IKZF1: variants seen among roughly 807,000 people sequenced by gnomAD.
IKZF1 encodes the protein IKAROS family zinc finger 1.
IKZF1 carries 10 observed loss-of-function variants against 51.7 expected under a neutral mutation model. The ratio of observed to expected loss-of-function variants is 0.19; its 90% CI spans 0.12 to 0.33. IKZF1 has a LOEUF of 0.33. IKZF1 is among the 10% of genes least tolerant of loss of function. The pLI is 1.00. For missense variants in IKZF1, 484 were observed against 707.5 expected (o/e 0.68, Z 3.58); for synonymous variants, 280 against 282.3 (o/e 0.99, Z 0.08).
intron 3 of IKZF1, among the ~76,000 whole-genome samples, chr7:50,346,636 C>T (rs1800441928): frequency 6.6e-6 from 1 of 152,194 alleles, no homozygotes; most frequent in African/African-American, 2.4e-5. Flanking sequence ...AAAGGGCCTT[C>T]CTGGTCTTTC....
At chr7:50,375,731 C>CA (rs1810087226) in intron 3 of IKZF1, among the ~76,000 whole-genome samples, 1 of 122,904 alleles carries the variant, frequency 8.1e-6, no homozygotes, top group African/African-American at 3.2e-5. Context: ...CACCACCCAA[C>CA]AAACACACAA....
At chr7:50,388,750 G>T (rs1018144359) in intron 6 of IKZF1, among the ~76,000 whole-genome samples, 3 of 152,212 alleles carry the variant, frequency 2.0e-5, no homozygotes, top group Non-Finnish European at 4.4e-5. Flanking sequence ...AAGACTAATG[G>T]ACGAGAGGAT....
Position 50,376,836 on chromosome 7 carries a change from T to C in IKZF1, c.421+43T>C. 1 of 1,604,366 alleles carries C rather than the reference T, an allele frequency of 6.2e-7. No homozygotes were observed. The highest frequency in any genetic ancestry group is 8.5e-7 in the Non-Finnish European group (1 of 1,173,704). On this transcript the variant is annotated intron_variant, in intron 4 of 7. Transcript: ENST00000331340. This position sits in a 1 kb window ranked among gnomAD's most constrained non-coding sequence, Gnocchi z 4.5. ...TTTTCCTTTAGTGGCCTGGAGAAGG[T>C]GCATGGGGTTTGAAGGAGGAAAGCA... is the stretch of plus-strand genomic sequence containing the variant.
At chr7:50,345,436 A>G (rs2153422766) in intron 3 of IKZF1, among the ~76,000 whole-genome samples, 3 of 152,342 alleles carry the variant, frequency 2.0e-5, no homozygotes, top group South Asian at 2.1e-4. Flanking sequence ...AGAGACCTAA[A>G]GGGAAGCCTT....
In IKZF1 at chr7:50,391,824, G is replaced by A. The variant is rs1410124404; in HGVS notation, c.811G>A (p.Val271Ile). Residue 271 changes from valine (V) to isoleucine (I), a missense_variant, in exon 7 of 8, where the codon GTC (valine) becomes ATC (isoleucine). Physicochemically the swap from Val to Ile is conservative, Grantham distance 29. Around this residue, in one of 6 missense-constraint regions of IKZF1, gnomAD observed 172 missense variants for 192.7 expected, o/e 0.89. Transcript: ENST00000331340. ...SLVLDRLASN[V>I]AKRKSSMPQK... ...CGTGCTGGACAGACTAGCAAGTAAC[G>A]TCGCCAAACGTAAGAGCTCTATGCC... The A allele has an allele frequency of 3.1e-6, 5 of 1,613,924 alleles. No homozygotes were observed. In the South Asian group the frequency reaches 3.3e-5, roughly 11 times the overall value.
rs1020318126 is a variant in IKZF1 at position 50,400,830 on chromosome 7, G to A, written c.*203G>A. 6 of 669,354 alleles carry A rather than the reference G, an allele frequency of 9.0e-6. No individual in the cohort carries two copies. The highest frequency in any genetic ancestry group is 1.5e-5 in the Non-Finnish European group (6 of 406,374). 41.5% of individuals were successfully genotyped at this position (669,354 alleles called of 1,614,324 possible). A position where few individuals can be genotyped will look rare whatever the true frequency, so the allele number is the denominator to read the frequency against. The stretch of plus-strand genomic sequence containing the variant: ...GAAAAGATTTTTATTTTTAGAGGCA[G>A]GGCTGCATTGGGAGCATCCAGAACT... On this transcript the variant is annotated 3_prime_UTR_variant, in exon 8 of 8. Transcript: ENST00000331340. The surrounding 1 kb of genome is among the most constrained non-coding windows in gnomAD (Gnocchi z 5.4).
Position 50,363,454 on chromosome 7 carries a change from G to C in IKZF1, c.161-13079G>C, listed in dbSNP as rs147856841. Reference sequence around the variant, plus strand: ...TTGACATCATCAGGACTGACTGCAGGACAGGCGGTGAAACGAGCCACTGAG... The same window carrying C: ...TTGACATCATCAGGACTGACTGCAGCACAGGCGGTGAAACGAGCCACTGAG... On this transcript the variant is annotated intron_variant, in intron 3 of 7. Coordinates refer to ENST00000331340, the MANE Select transcript of IKZF1 (RefSeq NM_006060.6). 5.4e-3 allele frequency among the ~76,000 whole-genome samples: 819 copies of C among 152,204 alleles called. 11 individuals carry two copies. The highest frequency in any genetic ancestry group is 0.019 in the African/African-American group (786 of 41,504).
chr7:50,369,146 A>T (rs1204872033), intron 3 of IKZF1: 2 of 241,658 alleles, frequency 8.3e-6, no homozygotes, highest in Non-Finnish European at 8.0e-6. Context: ...ATGCTTATAT[A>T]TGTGTATTTG....
Position 50,376,800 on chromosome 7 carries a change from C to A in IKZF1, c.421+7C>A, listed in dbSNP as rs756418516. 1 of 1,612,580 alleles carries A rather than the reference C, an allele frequency of 6.2e-7. No individual in the cohort carries two copies. Among genetic ancestry groups the A allele is most frequent in the Non-Finnish European group, 8.5e-7 (1 of 1,178,768 alleles). On this transcript the variant is annotated splice_region_variant and intron_variant, in intron 4 of 7. Transcript: ENST00000331340. The surrounding 1 kb of genome is among the most constrained non-coding windows in gnomAD (Gnocchi z 4.5). Reference sequence around the variant, plus strand: ...CACAAAAGAAGCCACACTGGTAAGGCCTGGCTCAGTTTTTCCTTTAGTGGC... The same window carrying A: ...CACAAAAGAAGCCACACTGGTAAGGACTGGCTCAGTTTTTCCTTTAGTGGC...
At chr7:50,367,630 G>GT (rs1807337235) in intron 3 of IKZF1, 1 of 169,256 alleles carries the variant, frequency 5.9e-6, no homozygotes, top group Non-Finnish European at 1.3e-5. Context: ...ACGCACTTTT[G>GT]TGGAGATACG....
At chr7:50,355,861 G>A (rs982664634) in intron 3 of IKZF1, among the ~76,000 whole-genome samples, 5 of 152,238 alleles carry the variant, frequency 3.3e-5, no homozygotes, top group East Asian at 1.9e-4. Context: ...AGCAGAGCAG[G>A]CTGGAGGCCT....
chr7:50,350,868 C>T (rs544005927), intron 3 of IKZF1, among the ~76,000 whole-genome samples: 5 of 152,190 alleles, frequency 3.3e-5, no homozygotes, highest in Non-Finnish European at 7.3e-5. Flanking sequence ...CCCGGGTTGA[C>T]TCAGAGGCAG....
At chr7:50,354,546 C>T (rs1331745016) in intron 3 of IKZF1, among the ~76,000 whole-genome samples, 3 of 152,200 alleles carry the variant, frequency 2.0e-5, no homozygotes, top group Non-Finnish European at 4.4e-5. Context: ...GGCAGAAAGA[C>T]AGGGCAGCAG....
chr7:50,399,593 ATAACATAAT>A (rs1472917114), intron 7 of IKZF1, among the ~76,000 whole-genome samples: 1 of 152,250 alleles, frequency 6.6e-6, no homozygotes, highest in African/African-American at 2.4e-5. Flanking sequence ...ATGAAATACA[ATAACATAAT>A]TAAACTAATC....
chr7:50,392,767 GA>G (rs1584991353), intron 7 of IKZF1, among the ~76,000 whole-genome samples: 1 of 152,196 alleles, frequency 6.6e-6, no homozygotes, highest in East Asian at 1.9e-4. Flanking sequence ...TTTGGAAGAG[GA>G]ATAGAGTTTC....
chr7:50,325,620 A>G (rs1296720668), intron 2 of IKZF1, among the ~76,000 whole-genome samples: 1 of 152,102 alleles, frequency 6.6e-6, no homozygotes, highest in Non-Finnish European at 1.5e-5. Context: ...AAAAAAATAC[A>G]AAAATTTAGT....
At chr7:50,345,230 G>C (rs1800062192) in intron 3 of IKZF1, among the ~76,000 whole-genome samples, 1 of 152,008 alleles carries the variant, frequency 6.6e-6, no homozygotes, top group Non-Finnish European at 1.5e-5. Flanking sequence ...AAATATTCAT[G>C]GGTATATACT....
At chr7:50,388,091 C>A (rs1303271115) in intron 6 of IKZF1, among the ~76,000 whole-genome samples, 1 of 152,110 alleles carries the variant, frequency 6.6e-6, no homozygotes, top group African/African-American at 2.4e-5. Context: ...TTGATTCAGA[C>A]CCCAGAGCCT....
At chr7:50,379,688 G>A (rs1040592470) in intron 4 of IKZF1, among the ~76,000 whole-genome samples, 2 of 152,164 alleles carry the variant, frequency 1.3e-5, no homozygotes, top group African/African-American at 4.8e-5. Context: ...AGATAAAAAG[G>A]TGCAGTCCCT....
Sources: allele counts gnomAD v4.1 joint callset (sites outside exome capture counted in the v4.1 genomes callset), GRCh38; gene constraint gnomAD v4.1.1; regional missense constraint gnomAD v4.1.1; non-coding constraint Gnocchi (gnomAD v3.1); transcripts MANE v1.5; gene names NCBI Gene and HGNC (gene_info 2026-07-23, HGNC 2026-07-21).